Variants in SMARCC1 observed in about 807,000 individuals in gnomAD.
SMARCC1 encodes SWI/SNF complex subunit SMARCC1.
A neutral mutation model predicts 147.4 loss-of-function variants in SMARCC1; 43 were observed. The observed-to-expected ratio is 0.29, with a 90% CI of 0.23 to 0.38. SMARCC1 has a LOEUF of 0.38. SMARCC1 is among the 10% of genes least tolerant of loss of function. The pLI, the probability that SMARCC1 is intolerant of heterozygous loss-of-function variation, is 1.00. For synonymous variants in SMARCC1, 495 were observed against 484.4 expected (o/e 1.02, Z -0.29); for missense variants, 1,119 against 1,381.1 (o/e 0.81, Z 3.01).
At chr3:47,720,879 A>G (rs1407881696) in intron 6 of SMARCC1, 144 bp from the exon 7 acceptor site, 1 of 674,074 alleles carries the variant, frequency 1.5e-6, no homozygotes, top group Non-Finnish European at 2.5e-6. Context: ...TGGAAAGAAA[A>G]AGTTTTCAAA....
intron 11 of SMARCC1, among the ~76,000 whole-genome samples, chr3:47,699,973 G>A (rs2033897703): frequency 6.6e-6 from 1 of 151,314 alleles, no homozygotes. Context: ...ATGGTTATAT[G>A]CTTCATATAC....
At chr3:47,694,626 GCC>G (rs2033826904) in intron 11 of SMARCC1, among the ~76,000 whole-genome samples, 1 of 152,134 alleles carries the variant, frequency 6.6e-6, no homozygotes, top group Non-Finnish European at 1.5e-5. Flanking sequence ...AAAAACCACA[GCC>G]AAATTGCATT....
chr3:47,774,608 G>A (rs1193832395), intron 1 of SMARCC1, among the ~76,000 whole-genome samples: 10 of 151,780 alleles, frequency 6.6e-5, no homozygotes, highest in South Asian at 4.2e-4. Context: ...TAGTAGAGAC[G>A]GGGTTTCACC....
intron 1 of SMARCC1, among the ~76,000 whole-genome samples, chr3:47,775,586 AAG>A (rs1423512115): frequency 2.7e-5 from 4 of 150,898 alleles, no homozygotes; most frequent in South Asian, 4.2e-4. Flanking sequence ...AACCTGACTA[AAG>A]CAGTGAAACC....
chr3:47,676,561 T>C, intron 17 of SMARCC1, 68 bp downstream of exon 17: 2 of 1,135,632 alleles, frequency 1.8e-6, no homozygotes, highest in South Asian at 2.7e-5. Flanking sequence ...TAATTGTTTC[T>C]AAATAGATAT....
At chr3:47,663,705 A>G in intron 19 of SMARCC1, 1 of 1,493,798 alleles carries the variant, frequency 6.7e-7, no homozygotes. Flanking sequence ...GTTTACAGGA[A>G]TCCAGAGAGT....
intron 5 of SMARCC1, among the ~76,000 whole-genome samples, chr3:47,730,186 T>TA (rs941543215): frequency 3.3e-5 from 5 of 150,732 alleles, no homozygotes; most frequent in African/African-American, 7.3e-5. Flanking sequence ...AAATAAAAAA[T>TA]AAAAAAAAAG....
chr3:47,637,797 T>C (rs2032991705), intron 22 of SMARCC1, among the ~76,000 whole-genome samples: 1 of 152,084 alleles, frequency 6.6e-6, no homozygotes, highest in Non-Finnish European at 1.5e-5. Context: ...TACAGTCTCC[T>C]ACAGAAGAGA....
At chr3:47,642,627 T>C (rs533160217) in intron 21 of SMARCC1, among the ~76,000 whole-genome samples, 3 of 152,030 alleles carry the variant, frequency 2.0e-5, no homozygotes, top group Non-Finnish European at 4.4e-5. Flanking sequence ...AAAAACCTAA[T>C]AGAAGACCAC....
At chr3:47,703,304 G>A (rs1370410322) in intron 10 of SMARCC1, among the ~76,000 whole-genome samples, 2 of 152,172 alleles carry the variant, frequency 1.3e-5, no homozygotes, top group South Asian at 2.1e-4. Flanking sequence ...GAGGAGGACT[G>A]CTTGACCTCA....
chr3:47,746,243 G>C, intron 2 of SMARCC1: 1 of 319,136 alleles, frequency 3.1e-6, no homozygotes, highest in African/African-American at 2.2e-5. Flanking sequence ...AAGCCCAGGA[G>C]TTCAAGACCA....
intron 2 of SMARCC1, among the ~76,000 whole-genome samples, chr3:47,765,895 G>C (rs2034834775): frequency 6.6e-6 from 1 of 151,952 alleles, no homozygotes; most frequent in African/African-American, 2.4e-5. Flanking sequence ...ACCACACCCG[G>C]GTAATTTTTG....
At chr3:47,762,629 A>G (rs1010324746) in intron 2 of SMARCC1, among the ~76,000 whole-genome samples, 3 of 152,222 alleles carry the variant, frequency 2.0e-5, no homozygotes, top group Admixed American at 2.0e-4. Flanking sequence ...AATTTAGAAA[A>G]TGTTGAATGA....
At chr3:47,703,007 A>G (rs2033945004) in intron 10 of SMARCC1, among the ~76,000 whole-genome samples, 1 of 152,126 alleles carries the variant, frequency 6.6e-6, no homozygotes, top group African/African-American at 2.4e-5. Flanking sequence ...GCTCACTGCA[A>G]TCTTTTCCTT....
chr3:47,608,835 C>T (rs571720068), intron 26 of SMARCC1, among the ~76,000 whole-genome samples: 5 of 120,724 alleles, frequency 4.1e-5, no homozygotes, highest in East Asian at 4.9e-4. Flanking sequence ...GACAACAGAG[C>T]GAGACAGTGT....
intron 6 of SMARCC1, 115 bp from the exon 7 acceptor site, chr3:47,720,850 G>C: frequency 1.2e-6 from 1 of 826,032 alleles, no homozygotes; most frequent in Non-Finnish European, 2.0e-6. Context: ...AACATTTTTC[G>C]AACATGCTGT....
chr3:47,748,323 C>T (rs2034589398), intron 2 of SMARCC1, among the ~76,000 whole-genome samples: 2 of 152,044 alleles, frequency 1.3e-5, no homozygotes, highest in Non-Finnish European at 2.9e-5. Context: ...AAGGAATTCT[C>T]GTATCTCAGC....
intron 14 of SMARCC1, among the ~76,000 whole-genome samples, chr3:47,685,832 G>C (rs1384740651): frequency 6.6e-6 from 1 of 152,138 alleles, no homozygotes; most frequent in Non-Finnish European, 1.5e-5. Flanking sequence ...ATTCTAGCCA[G>C]GGTGACAAAG....
intron 2 of SMARCC1, among the ~76,000 whole-genome samples, chr3:47,751,658 G>A (rs1161835593): frequency 1.3e-5 from 2 of 151,954 alleles, no homozygotes; most frequent in African/African-American, 4.8e-5. Flanking sequence ...CTTGAGCCCA[G>A]GAGTTCGAGA....
Sources: gnomAD v4.1 joint callset for allele counts (sites outside exome capture counted in the v4.1 genomes callset) on GRCh38, gnomAD v4.1.1 for gene constraint, MANE v1.5 for transcripts, NCBI Gene and HGNC (gene_info 2026-07-23, HGNC 2026-07-21) for gene names.